The following CDK17 variants were observed in gnomAD, a reference collection of about 807,000 sequenced individuals.
The protein encoded by CDK17 is cyclin dependent kinase 17.
CDK17 carries 24 observed loss-of-function variants against 77.6 expected under a neutral mutation model. The observed-to-expected ratio is 0.31, with a 90% CI of 0.22 to 0.44. CDK17 has a LOEUF of 0.44. Ranked by LOEUF, CDK17 falls within the 20% of genes least tolerant of loss-of-function variation. CDK17 has a pLI of 1.00. For synonymous variants in CDK17, 203 were observed against 210.4 expected, an observed-to-expected ratio of 0.96 and a Z score of 0.30; for missense variants, 429 against 622.5, an observed-to-expected ratio of 0.69 and a Z score of 3.31.
chr12:96,304,500 G>A (rs1398614655), intron 5 of CDK17, among the ~76,000 whole-genome samples: 2 of 152,054 alleles, frequency 1.3e-5, no homozygotes, highest in Non-Finnish European at 1.5e-5. Context: ...TCGTGCCACT[G>A]CACTCCAGCC....
intron 3 of CDK17, among the ~76,000 whole-genome samples, chr12:96,316,012 G>A (rs937183215): frequency 6.6e-6 from 1 of 152,194 alleles, no homozygotes; most frequent in Non-Finnish European, 1.5e-5. Flanking sequence ...CGACGCAGAA[G>A]ACGGGTGATT....
intron 5 of CDK17, among the ~76,000 whole-genome samples, chr12:96,301,053 C>T (rs1343446955): frequency 6.6e-6 from 1 of 151,852 alleles, no homozygotes; most frequent in Admixed American, 6.6e-5. Flanking sequence ...TATGTATTTT[C>T]TCCCTCACCA....
In CDK17 at chr12:96,280,131, G is replaced by C; in HGVS notation, c.*111C>G. On this transcript the variant is annotated 3_prime_UTR_variant, in exon 17 of 17. Transcript: ENST00000261211. ...AAAAGACTCCACTGTGAAGAGGACA[G>C]TGTAGACAAACGGAGATTCCAAGTC... 7 of 1,076,194 alleles carry C rather than the reference G, an allele frequency of 6.5e-6. No individual in the cohort carries two copies. The highest frequency in any genetic ancestry group is 1.6e-5 in the African/African-American group (1 of 62,398). 66.7% of individuals were successfully genotyped at this position (1,076,194 alleles called of 1,614,324 possible).
At chr12:96,368,614 A>G (rs1953630102) in intron 1 of CDK17, among the ~76,000 whole-genome samples, 1 of 152,174 alleles carries the variant, frequency 6.6e-6, no homozygotes, top group African/African-American at 2.4e-5. Context: ...TAAGTAAAAT[A>G]AATCTAAGTA....
At chr12:96,290,757 C>T (rs2137072695) in intron 10 of CDK17, among the ~76,000 whole-genome samples, 2 of 152,174 alleles carry the variant, frequency 1.3e-5, no homozygotes, top group South Asian at 2.1e-4. Flanking sequence ...TGTAACATAC[C>T]ATATCAAGGC....
At chr12:96,337,016 T>C (rs539192283) in intron 1 of CDK17, among the ~76,000 whole-genome samples, 1 of 152,308 alleles carries the variant, frequency 6.6e-6, no homozygotes, top group Non-Finnish European at 1.5e-5. Flanking sequence ...TGCATATGTA[T>C]ACGGAAAAAA....
chr12:96,372,996 C>T (rs1200741481), intron 1 of CDK17, among the ~76,000 whole-genome samples: 2 of 152,166 alleles, frequency 1.3e-5, no homozygotes, highest in African/African-American at 2.4e-5. Flanking sequence ...AGCCTAGATT[C>T]TCTCTTTGCT....
intron 13 of CDK17, among the ~76,000 whole-genome samples, chr12:96,285,380 T>C (rs931075665): frequency 1.3e-5 from 2 of 152,120 alleles, no homozygotes; most frequent in African/African-American, 4.8e-5. Context: ...GTGAGCAATG[T>C]GAATGGCTTT....
At chr12:96,341,442 G>A (rs767630806) in intron 1 of CDK17, among the ~76,000 whole-genome samples, 6 of 151,856 alleles carry the variant, frequency 4.0e-5, no homozygotes, top group Non-Finnish European at 8.8e-5. Context: ...AATTTAAAAC[G>A]GTAAAAGGGC....
At chr12:96,303,570 T>C (rs777373494) in intron 5 of CDK17, 3 of 152,154 alleles carry the variant, frequency 2.0e-5, no homozygotes, top group African/African-American at 7.2e-5. Context: ...CAAATGAAGA[T>C]AATTTTTTCT....
chr12:96,391,951 G>A (rs1055795671), intron 1 of CDK17, among the ~76,000 whole-genome samples: 1 of 152,004 alleles, frequency 6.6e-6, no homozygotes, highest in Non-Finnish European at 1.5e-5. Flanking sequence ...TTGCTTCTAA[G>A]CCTACTCTGA....
rs551369899 is a variant in CDK17 at position 96,303,095 on chromosome 12, CACA to C, written c.544-2738_544-2736del. 13 of 152,178 alleles carry C rather than the reference CACA, an allele frequency of 8.5e-5. No homozygotes were observed. The East Asian group carries it at 2.1e-3, about 25-fold the overall frequency. 9.4% of individuals were successfully genotyped at this position (152,178 alleles called of 1,614,324 possible). A position where few individuals can be genotyped will look rare whatever the true frequency, so the allele number is the denominator to read the frequency against. ...TTTGCTTGCATTTTTATTTGCTGAA[CACA>C]ACAAGATTAACAATAGATATAATGA... is the stretch of plus-strand genomic sequence containing the variant. On this transcript the variant is annotated intron_variant, in intron 5 of 16. Coordinates refer to ENST00000261211, the MANE Select transcript of CDK17 (RefSeq NM_002595.5).
intron 1 of CDK17, among the ~76,000 whole-genome samples, chr12:96,362,297 C>T (rs1464139291): frequency 6.6e-6 from 1 of 152,046 alleles, no homozygotes; most frequent in African/African-American, 2.4e-5. Context: ...CGGCTCACTG[C>T]AACCTCTGCC....
chr12:96,392,651 C>T (rs1453407818), intron 1 of CDK17, among the ~76,000 whole-genome samples: 1 of 152,094 alleles, frequency 6.6e-6, no homozygotes, highest in East Asian at 1.9e-4. Context: ...GACAGTGGTA[C>T]CATTCACTGA....
intron 7 of CDK17, among the ~76,000 whole-genome samples, 169 bp downstream of exon 7, chr12:96,298,700 A>C (rs1952450445): frequency 6.6e-6 from 1 of 152,232 alleles, no homozygotes; most frequent in Non-Finnish European, 1.5e-5. Context: ...TAAGTTATAC[A>C]CTAATATAAT....
chr12:96,281,008 A>G, intron 15 of CDK17, 123 bp from the exon 16 acceptor site: 3 of 798,018 alleles, frequency 3.8e-6, no homozygotes, highest in Non-Finnish European at 5.7e-6. Context: ...ACAAGGTGAT[A>G]GCCCTGCTGA....
chr12:96,280,194 G>C lies in CDK17; in HGVS notation c.*48C>G. The C allele has an allele frequency of 6.5e-7, 1 of 1,540,354 alleles. No individual in the cohort carries two copies. The highest frequency in any genetic ancestry group is 8.8e-7 in the Non-Finnish European group (1 of 1,139,996). ...TAATTGCCTTCAGTTCTGAGTCCTT[G>C]ATTGGTAAGAAAGGCTGGGGGCTGG... On this transcript the variant is annotated 3_prime_UTR_variant, in exon 17 of 17. Coordinates refer to ENST00000261211, the MANE Select transcript of CDK17 (RefSeq NM_002595.5).
At chr12:96,375,354 C>T (rs1953761364) in intron 1 of CDK17, among the ~76,000 whole-genome samples, 1 of 152,030 alleles carries the variant, frequency 6.6e-6, no homozygotes, top group Admixed American at 6.6e-5. Flanking sequence ...TTATTCCACC[C>T]CTTTACCCCA....
At chr12:96,300,634 T>G (rs1362785821) in intron 5 of CDK17, among the ~76,000 whole-genome samples, 1 of 152,196 alleles carries the variant, frequency 6.6e-6, no homozygotes, top group African/African-American at 2.4e-5. Flanking sequence ...TGACCTCAAG[T>G]GATCTGCCTG....
Sources: gnomAD v4.1 joint callset for allele counts (sites outside exome capture counted in the v4.1 genomes callset) on GRCh38, gnomAD v4.1.1 for gene constraint, MANE v1.5 for transcripts, NCBI Gene and HGNC (gene_info 2026-07-23, HGNC 2026-07-21) for gene names.